Variants in DPY19L4 observed in about 807,000 individuals in gnomAD.
DPY19L4 encodes the protein dpy-19 like 4.
In DPY19L4, 97 loss-of-function variants were observed where a neutral mutation model predicts 102.8. The observed-to-expected ratio is 0.94, with a 90% CI of 0.80 to 1.12. The LOEUF (loss-of-function observed/expected upper bound fraction) is 1.12. Ranked by LOEUF, DPY19L4 falls within the 50% of genes most tolerant of loss-of-function variation. DPY19L4 has a pLI of 0.00. For synonymous variants in DPY19L4, 252 were observed against 283.1 expected (o/e 0.89, Z 1.10); for missense variants, 815 against 850.4 (o/e 0.96, Z 0.52).
intron 11 of DPY19L4, among the ~76,000 whole-genome samples, chr8:94,767,695 G>A (rs1288711783): frequency 6.6e-6 from 1 of 152,136 alleles, no homozygotes; most frequent in Non-Finnish European, 1.5e-5. Context: ...ATCTTAATAA[G>A]TAGGTATCTC....
intron 6 of DPY19L4, among the ~76,000 whole-genome samples, chr8:94,752,726 G>A (rs1444120241): frequency 6.7e-6 from 1 of 149,122 alleles, no homozygotes; most frequent in East Asian, 2.0e-4. Flanking sequence ...GTGCAGCGAC[G>A]TGATCTTGGC....
chr8:94,751,114 CTTTCT>C (rs1365409058), intron 6 of DPY19L4, among the ~76,000 whole-genome samples: 2 of 137,560 alleles, frequency 1.5e-5, no homozygotes, highest in Non-Finnish European at 3.2e-5. Flanking sequence ...TCCCTCTTTT[CTTTCT>C]TTTCTTTTTT....
rs1343242452 is a variant in DPY19L4, at chr8:94,719,991, C to A, written c.-8C>A. On this transcript the variant is annotated 5_prime_UTR_variant, in exon 1 of 19. Coordinates refer to ENST00000414645, the MANE Select transcript of DPY19L4 (RefSeq NM_181787.3). ...GAGCCGCAGGGCGCCCTAGCCTTCGCAGAAACGATGGCGGAGGAAGAAGGT... is the reference window on the plus strand; with the variant it reads ...GAGCCGCAGGGCGCCCTAGCCTTCGAAGAAACGATGGCGGAGGAAGAAGGT... 1 of 1,527,626 alleles carries A rather than the reference C, an allele frequency of 6.5e-7. No individual in the cohort carries two copies. The highest frequency in any genetic ancestry group is 2.1e-5 in the Admixed American group (1 of 47,982). The allele number at this position is 1,527,626 out of a possible 1,614,324, so 94.6% of individuals were successfully genotyped here.
intron 18 of DPY19L4, 43 bp downstream of exon 18, chr8:94,788,095 A>ATATATTT: frequency 1.0e-6 from 1 of 971,368 alleles, no homozygotes; most frequent in Non-Finnish European, 1.3e-6. Context: ...ATATATATAT[A>ATATATTT]TTTTTTTTTT....
chr8:94,732,277 G>A (rs1040919064), intron 2 of DPY19L4, among the ~76,000 whole-genome samples: 2 of 151,964 alleles, frequency 1.3e-5, no homozygotes, highest in African/African-American at 4.8e-5. Flanking sequence ...GTAACAGAAC[G>A]CTGGGTTTTA....
At chr8:94,764,717 A>ATATATTTT (rs1298234292) in intron 8 of DPY19L4, among the ~76,000 whole-genome samples, 5 of 29,324 alleles carry the variant, frequency 1.7e-4, no homozygotes, top group Non-Finnish European at 2.3e-4. Context: ...ATATATATAT[A>ATATATTTT]TTTTTTTTTT....
intron 7 of DPY19L4, among the ~76,000 whole-genome samples, chr8:94,759,795 G>T (rs1307016790): frequency 6.6e-6 from 1 of 152,178 alleles, no homozygotes. Flanking sequence ...GAGCCACTGT[G>T]CCCGGCCCAT....
intron 2 of DPY19L4, among the ~76,000 whole-genome samples, chr8:94,727,408 A>G (rs1810738327): frequency 6.6e-6 from 1 of 152,012 alleles, no homozygotes; most frequent in Non-Finnish European, 1.5e-5. Flanking sequence ...TAATTTTTGT[A>G]TTTTTGGTAG....
chr8:94,787,179 G>A (rs567648859), intron 17 of DPY19L4, among the ~76,000 whole-genome samples: 1 of 152,240 alleles, frequency 6.6e-6, no homozygotes, highest in African/African-American at 2.4e-5. Context: ...CAATCGCATA[G>A]AAGTGGTTTT....
chr8:94,757,998 G>C (rs1300682484), intron 7 of DPY19L4, among the ~76,000 whole-genome samples: 1 of 151,944 alleles, frequency 6.6e-6, no homozygotes, highest in Non-Finnish European at 1.5e-5. Flanking sequence ...TGTACTCCCA[G>C]CTACTTGGGA....
chr8:94,754,597 T>C (rs1812079422), intron 6 of DPY19L4, among the ~76,000 whole-genome samples: 1 of 152,150 alleles, frequency 6.6e-6, no homozygotes. Context: ...GCAATTTTCA[T>C]AAATTTTCAA....
chr8:94,746,341 G>A (rs958169527), intron 6 of DPY19L4, among the ~76,000 whole-genome samples: 2 of 151,820 alleles, frequency 1.3e-5, no homozygotes, highest in African/African-American at 2.4e-5. Flanking sequence ...GATTACAGGC[G>A]TGAGCCACCA....
chr8:94,726,782 C>T lies in DPY19L4; in HGVS notation c.127+341C>T, dbSNP rs1810709394. On this transcript the variant is annotated intron_variant, in intron 2 of 18. Coordinates refer to ENST00000414645, the MANE Select transcript of DPY19L4 (RefSeq NM_181787.3). ...GACCTGGCACACTATCACTTGTACG[C>T]ACCTTTTATTGGCCAAAGCAAGTCA... Among the ~76,000 whole-genome samples, 3 of 152,248 alleles carry T rather than the reference C, an allele frequency of 2.0e-5. No individual in the cohort carries two copies. In the South Asian group the frequency reaches 6.2e-4, roughly 32 times the overall value.
intron 6 of DPY19L4, among the ~76,000 whole-genome samples, chr8:94,754,108 T>C (rs1812060641): frequency 6.6e-6 from 1 of 152,046 alleles, no homozygotes; most frequent in Non-Finnish European, 1.5e-5. Flanking sequence ...CATCTGAGCC[T>C]GGGAGGTCGA....
At chr8:94,755,292 T>C (rs1812109415) in intron 6 of DPY19L4, among the ~76,000 whole-genome samples, 1 of 152,150 alleles carries the variant, frequency 6.6e-6, no homozygotes, top group African/African-American at 2.4e-5. Flanking sequence ...AACTTCATAC[T>C]CCTTTTGTAA....
intron 3 of DPY19L4, among the ~76,000 whole-genome samples, chr8:94,736,650 G>A (rs544242411): frequency 6.6e-6 from 1 of 152,192 alleles, no homozygotes; most frequent in African/African-American, 2.4e-5. Flanking sequence ...GCCTCCTAAG[G>A]TGATTTTTAC....
chr8:94,743,948 T>C (rs534454528), intron 6 of DPY19L4, among the ~76,000 whole-genome samples: 4 of 151,052 alleles, frequency 2.6e-5, no homozygotes, highest in African/African-American at 4.9e-5. Flanking sequence ...GGAGGCTGCA[T>C]TGAACTGAGA....
Position 94,791,229 on chromosome 8 carries a change from C to G in DPY19L4, c.*1319C>G, listed in dbSNP as rs1813873866. The G allele has an allele frequency of 6.6e-6, 1 of 152,116 alleles. No individual in the cohort carries two copies. The highest frequency in any genetic ancestry group is 1.5e-5 in the Non-Finnish European group (1 of 67,976). 9.4% of individuals were successfully genotyped at this position (152,116 alleles called of 1,614,324 possible). On this transcript the variant is annotated 3_prime_UTR_variant, in exon 19 of 19. Transcript: ENST00000414645. ...TACTACATTAGAAGAGAGCATTTCT[C>G]CATTGTCTTTATTTTCTGTTATATA...
At chr8:94,764,689 G>GTGTGTGTATATATATATATA (rs1415377058) in intron 8 of DPY19L4, among the ~76,000 whole-genome samples, 8 of 43,208 alleles carry the variant, frequency 1.9e-4, no homozygotes, top group African/African-American at 9.1e-4. Flanking sequence ...GTCTGTGTGT[G>GTGTGTGTATATATATATATA]TATATATATA....
Sources: allele counts gnomAD v4.1 joint callset (sites outside exome capture counted in the v4.1 genomes callset), GRCh38; gene constraint gnomAD v4.1.1; transcripts MANE v1.5; gene names NCBI Gene and HGNC (gene_info 2026-07-23, HGNC 2026-07-21).